Variants in REDIC1 observed in about 807,000 individuals in gnomAD.
The protein encoded by REDIC1 is regulator of DNA class I crossover intermediates 1.
chr12:39,648,054 T>C, the REDIC1 span: 1 of 1,032,610 alleles, frequency 9.7e-7, no homozygotes, highest in Non-Finnish European at 1.3e-6. Context: ...TTTATAGATT[T>C]AAAATATTTA....
chr12:39,796,891 C>A, the REDIC1 span, among the ~76,000 whole-genome samples: 1 of 152,120 alleles, frequency 6.6e-6, no homozygotes, highest in African/African-American at 2.4e-5. Flanking sequence ...TTCCTTATAA[C>A]ACATTTCTAG....
At chr12:39,838,509 A>T in the REDIC1 span, among the ~76,000 whole-genome samples, 1 of 20,710 alleles carries the variant, frequency 4.8e-5, no homozygotes, top group South Asian at 1.2e-3. Flanking sequence ...AATAAATTAA[A>T]AAAAAAAAAA....
chr12:39,709,820 T>C, the REDIC1 span, among the ~76,000 whole-genome samples: 2 of 151,874 alleles, frequency 1.3e-5, no homozygotes, highest in African/African-American at 4.8e-5. Flanking sequence ...CAATTATCTC[T>C]TCTATTAGAT....
At chr12:39,907,089 C>T in the REDIC1 span, among the ~76,000 whole-genome samples, 2 of 152,060 alleles carry the variant, frequency 1.3e-5, no homozygotes, top group African/African-American at 2.4e-5. Flanking sequence ...TATTTACATG[C>T]TATCATATTC....
chr12:39,816,162 G>A, the REDIC1 span, among the ~76,000 whole-genome samples: 1 of 152,080 alleles, frequency 6.6e-6, no homozygotes, highest in Non-Finnish European at 1.5e-5. Context: ...TGAACTTGGG[G>A]TTTGTTTCTG....
At chr12:39,653,492 G>GTCTTCTTCTTCTTCTTCT in the REDIC1 span, among the ~76,000 whole-genome samples, 526 of 54,230 alleles carry the variant, frequency 9.7e-3, 35 homozygotes, top group South Asian at 0.013. Context: ...CAATCTGGAT[G>GTCTTCTTCTTCTTCTTCT]TCTTCTTCTT....
At chr12:39,724,447 A>G in the REDIC1 span, among the ~76,000 whole-genome samples, 111,966 of 151,926 alleles carry the variant, frequency 0.74, 42,666 homozygotes, top group Non-Finnish European at 0.84. Flanking sequence ...GTTGCTCACA[A>G]TGGTAACTTG....
At chr12:39,784,489 T>C in the REDIC1 span, among the ~76,000 whole-genome samples, 1 of 152,194 alleles carries the variant, frequency 6.6e-6, no homozygotes, top group Non-Finnish European at 1.5e-5. Flanking sequence ...ATTCCCTACT[T>C]AACAAATGGT....
chr12:39,704,293 T>C, the REDIC1 span, among the ~76,000 whole-genome samples: 1 of 152,032 alleles, frequency 6.6e-6, no homozygotes, highest in Non-Finnish European at 1.5e-5. Context: ...AAAGAAGACA[T>C]TTATGCAGCC....
At chr12:39,705,031 C>G in the REDIC1 span, among the ~76,000 whole-genome samples, 1 of 151,640 alleles carries the variant, frequency 6.6e-6, no homozygotes, top group Non-Finnish European at 1.5e-5. Context: ...ATGTAACTAA[C>G]CTGCACAATG....
chr12:39,713,243 T>G, the REDIC1 span, among the ~76,000 whole-genome samples: 1,004 of 75,736 alleles, frequency 0.013, 73 homozygotes, highest in African/African-American at 0.059. Flanking sequence ...TGTATATATG[T>G]GTACACACAC....
At chr12:39,691,894 C>G in the REDIC1 span, among the ~76,000 whole-genome samples, 4 of 151,848 alleles carry the variant, frequency 2.6e-5, no homozygotes, top group Admixed American at 2.0e-4. Context: ...TTACCACAGG[C>G]TAATTTTTCT....
the REDIC1 span, among the ~76,000 whole-genome samples, chr12:39,639,350 G>A: frequency 4.4e-4 from 67 of 152,044 alleles, no homozygotes; most frequent in Admixed American, 1.7e-3. Flanking sequence ...CACCCTGAAC[G>A]TGCCTGATCT....
At chr12:39,822,903 T>C in the REDIC1 span, among the ~76,000 whole-genome samples, 1 of 152,246 alleles carries the variant, frequency 6.6e-6, no homozygotes, top group Non-Finnish European at 1.5e-5. Flanking sequence ...AGAAATTCGA[T>C]AAATTAATAT....
chr12:39,731,477 G>A, the REDIC1 span, among the ~76,000 whole-genome samples: 1 of 152,178 alleles, frequency 6.6e-6, no homozygotes, highest in Non-Finnish European at 1.5e-5. Flanking sequence ...ATTACCAGTG[G>A]AGGCTCCAGA....
At chr12:39,763,203 T>C in the REDIC1 span, among the ~76,000 whole-genome samples, 3 of 152,064 alleles carry the variant, frequency 2.0e-5, no homozygotes, top group Non-Finnish European at 4.4e-5. Context: ...ATACTAAATA[T>C]ATATCCAGTT....
the REDIC1 span, among the ~76,000 whole-genome samples, chr12:39,680,031 C>A: frequency 6.6e-6 from 1 of 152,116 alleles, no homozygotes; most frequent in Non-Finnish European, 1.5e-5. Flanking sequence ...CATAAAAATT[C>A]TAGAAGATAA....
the REDIC1 span, among the ~76,000 whole-genome samples, chr12:39,896,518 A>ACACATATATGTATG: frequency 1.4e-5 from 2 of 138,486 alleles, no homozygotes; most frequent in Non-Finnish European, 3.2e-5. Flanking sequence ...ACATGTGTGT[A>ACACATATATGTATG]TACATGTATA....
chr12:39,798,174 A>G, the REDIC1 span, among the ~76,000 whole-genome samples: 2 of 152,340 alleles, frequency 1.3e-5, no homozygotes, highest in South Asian at 4.1e-4. Flanking sequence ...TCGGACAACA[A>G]CCAGCATTAA....
Sources: allele counts gnomAD v4.1 joint callset (sites outside exome capture counted in the v4.1 genomes callset), GRCh38; gene constraint gnomAD v4.1.1; transcripts MANE v1.5; gene names NCBI Gene and HGNC (gene_info 2026-07-23, HGNC 2026-07-21).